CDK11A: variants seen among roughly 807,000 people sequenced by gnomAD.
CDK11A encodes the protein cyclin-dependent kinase 11A.
Under a neutral mutation model 83.6 loss-of-function variants are expected in CDK11A, and 55 were observed. That is an observed-to-expected ratio of 0.66 (90% CI 0.53 to 0.82). The LOEUF (loss-of-function observed/expected upper bound fraction) is 0.82, where lower values mean the gene tolerates loss of function less well. CDK11A is among the 40% of genes least tolerant of loss of function. CDK11A has a pLI of 0.00. For missense variants in CDK11A, 564 were observed against 810.1 expected (o/e 0.70, Z 3.69); for synonymous variants, 247 against 302.7 (o/e 0.82, Z 1.91).
intron 3 of CDK11A, among the ~76,000 whole-genome samples, chr1:1,720,196 GC>G (rs1315910000): frequency 6.7e-6 from 1 of 149,320 alleles, no homozygotes; most frequent in Non-Finnish European, 1.5e-5. Flanking sequence ...CTGGGTTCAT[GC>G]CATTCTCCTG....
chr1:1,716,490 TAA>T lies in CDK11A; in HGVS notation c.356-14_356-13del, dbSNP rs1191486414. On this transcript the variant is annotated splice_polypyrimidine_tract_variant and intron_variant, in intron 4 of 19. Transcript: ENST00000404249. The stretch of plus-strand genomic sequence containing the variant: ...TCTAGCATGCTTCCCTAATGAGAAA[TAA>T]AGTGTCATGCAAAGAAACCTCACTT... 32 of 1,605,460 alleles carry T rather than the reference TAA, an allele frequency of 2.0e-5. 1 individual carries two copies. The highest frequency in any genetic ancestry group is 3.4e-5 in the Admixed American group (2 of 59,552).
At chr1:1,706,670 C>T (rs1420639214) in intron 11 of CDK11A, among the ~76,000 whole-genome samples, 4 of 151,390 alleles carry the variant, frequency 2.6e-5, no homozygotes, top group Admixed American at 2.6e-4. Context: ...TGCCAGGGCA[C>T]CTACCCCTCG....
intron 5 of CDK11A, among the ~76,000 whole-genome samples, chr1:1,715,775 G>A (rs1644613000): frequency 6.6e-6 from 1 of 151,190 alleles, no homozygotes; most frequent in Non-Finnish European, 1.5e-5. Flanking sequence ...CTGGCCTACA[G>A]CCTTTTTCCT....
intron 16 of CDK11A, 44 bp from the exon 17 acceptor site, chr1:1,703,984 A>G (rs760815021): frequency 1.2e-6 from 2 of 1,607,078 alleles, no homozygotes; most frequent in Admixed American, 1.7e-5. Context: ...GTGCCCGCGA[A>G]GCTGTGGGAG....
chr1:1,721,490 A>G, intron 3 of CDK11A, 106 bp downstream of exon 3: 1 of 1,310,186 alleles, frequency 7.6e-7, no homozygotes, highest in East Asian at 2.4e-5. Flanking sequence ...GAAAGAGTAA[A>G]CCTTAATAGT....
Position 1,715,675 on chromosome 1 carries a change from C to T in CDK11A, c.488+671G>A, listed in dbSNP as rs532528007. Among the ~76,000 whole-genome samples the T allele has an allele frequency of 1.9e-4, 29 of 151,122 alleles. 1 individual carries two copies. The East Asian group carries it at 2.7e-3, about 14-fold the overall frequency. ...GGCTGCTGGCAAACATCGCTGCACACGCCCTTCCGCTTCAGACTCCTCTCT... is the reference window on the plus strand; with the variant it reads ...GGCTGCTGGCAAACATCGCTGCACATGCCCTTCCGCTTCAGACTCCTCTCT... On this transcript the variant is annotated intron_variant, in intron 5 of 19. Coordinates refer to ENST00000404249, the MANE Select transcript of CDK11A (RefSeq NM_024011.4).
Position 1,719,332 on chromosome 1 carries a change from T to G in CDK11A, c.351A>C (p.Glu117Asp), listed in dbSNP as rs768284935. 4.6e-6 allele frequency: 7 copies of G among 1,522,704 alleles called. No individual in the cohort carries two copies. Among genetic ancestry groups the G allele is most frequent in the Non-Finnish European group, 6.1e-6 (7 of 1,139,828 alleles). The allele number at this position is 1,522,704 out of a possible 1,614,324, so 94.3% of individuals were successfully genotyped here. The part of the protein sequence containing the change: ...EKCRHHSHSA[E>D]GGKHARVKER... The stretch of plus-strand genomic sequence containing the variant: ...AGAAAGTAAATGCTTCTGTACCCCC[T>G]TCTGCTGAATGGCTATGATGCCTAC... The change falls in exon 4 of 20, where the codon GAA becomes GAC. Residue 117 changes from glutamate to aspartate, a missense_variant. Glu to Asp is a conservative substitution (Grantham distance 45, BLOSUM62 2). Transcript: ENST00000404249.
intron 17 of CDK11A, 83 bp from the exon 18 acceptor site, chr1:1,703,707 C>G: frequency 6.5e-7 from 1 of 1,536,520 alleles, no homozygotes. Flanking sequence ...GACAAGCCAC[C>G]AGGAGGGCTC....
chr1:1,702,976 C>G lies in CDK11A; in HGVS notation c.2274G>C (p.Thr758=), dbSNP rs1445568873. The change falls in exon 20 of 20, where the codon ACG becomes ACC. Residue 758 remains threonine (T), a synonymous_variant. Transcript: ENST00000404249. ...GGTTCGTGGTGGTAAGGTGGAAGCCCGTCTCCTTCAGGTCGTCGTCACCCT... is the reference window on the plus strand; with the variant it reads ...GGTTCGTGGTGGTAAGGTGGAAGCCGGTCTCCTTCAGGTCGTCGTCACCCT... ...SQLGDDDLKE[T]GFHLTTTNQG... is the part of the protein sequence containing the mutation. 5.3e-4 allele frequency: 251 copies of G among 470,366 alleles called. 7 individuals are homozygous for G. The highest frequency in any genetic ancestry group is 8.3e-4 in the Non-Finnish European group (225 of 269,478). 29.1% of individuals were successfully genotyped at this position (470,366 alleles called of 1,614,324 possible).
chr1:1,718,824 G>A (rs1967676), intron 4 of CDK11A, among the ~76,000 whole-genome samples: 1 of 149,900 alleles, frequency 6.7e-6, no homozygotes, highest in Non-Finnish European at 1.5e-5. Flanking sequence ...TTTTAGTAGA[G>A]ACTGGGTTTC....
intron 11 of CDK11A, among the ~76,000 whole-genome samples, chr1:1,706,341 G>C (rs1294753015): frequency 6.6e-6 from 1 of 151,344 alleles, no homozygotes; most frequent in Non-Finnish European, 1.5e-5. Flanking sequence ...CCAAAGTGCT[G>C]GGATTACAGG....
At chr1:1,723,486 CTCAAA>C (rs1250837237) in intron 1 of CDK11A, among the ~76,000 whole-genome samples, 1 of 15,552 alleles carries the variant, frequency 6.4e-5, no homozygotes, top group African/African-American at 1.4e-4. Context: ...AAGACCCCGT[CTCAAA>C]AAAAAAAAAA....
chr1:1,716,814 C>CAAAAAAAAAAAA (rs1168780288), intron 4 of CDK11A, among the ~76,000 whole-genome samples: 2 of 76,678 alleles, frequency 2.6e-5, no homozygotes, highest in African/African-American at 1.2e-4. Context: ...GACTCCATCT[C>CAAAAAAAAAAAA]AAAAAAAAAA....
Position 1,703,543 on chromosome 1 carries a change from G to A in CDK11A, c.1993C>T (p.Pro665Ser), listed in dbSNP as rs1352236001. 1.3e-6 allele frequency: 2 copies of A among 1,565,360 alleles called. No homozygotes were observed. The change falls in exon 18 of 20, where the codon CCC becomes TCC. Residue 665 changes from proline (P) to serine (S), a missense_variant. Transcript: ENST00000404249. ...AAGCGCTTGCGGAGGTTGTTGTAGG[G>A]GTGCTCGCTGAAGGTCATCTTTTTG... The part of the protein sequence containing the change: ...VVKKMTFSEH[P>S]YNNLRKRFGA...
chr1:1,706,471 C>G (rs150959599), intron 11 of CDK11A, among the ~76,000 whole-genome samples: 1 of 151,262 alleles, frequency 6.6e-6, no homozygotes, highest in Non-Finnish European at 1.5e-5. Flanking sequence ...ATTGTTTGAG[C>G]CTGGGAGGTG....
rs961426937 is a variant in CDK11A at position 1,720,346 on chromosome 1, C to A, written c.228-891G>T. On this transcript the variant is annotated intron_variant, in intron 3 of 19. Transcript: ENST00000404249. ...TCTCCTGACCTTGTGATCTGCCCGC[C>A]TCAGCCTCCCAAAGTGCTGGGATTA... Among the ~76,000 whole-genome samples, 13 of 150,704 alleles carry A rather than the reference C, an allele frequency of 8.6e-5. 1 individual carries two copies. The highest frequency in any genetic ancestry group is 3.2e-4 in the African/African-American group (13 of 41,068).
chr1:1,704,575 C>T lies in CDK11A; in HGVS notation c.1539G>A (p.Glu513=). 6.2e-7 allele frequency: 1 copy of T among 1,604,438 alleles called. No individual in the cohort carries two copies. Among genetic ancestry groups the T allele is most frequent in the Non-Finnish European group, 8.5e-7 (1 of 1,174,694 alleles). ...CTGGCAGGAAGGGCTGTTTCATGGTCTCCATCAGGCTCTTGAGGTCGTGCT... is the reference window on the plus strand; with the variant it reads ...CTGGCAGGAAGGGCTGTTTCATGGTTTCCATCAGGCTCTTGAGGTCGTGCT... ...YVEHDLKSLM[E]TMKQPFLPGE... The change falls in exon 14 of 20, where the codon GAG becomes GAA. Residue 513 remains glutamate (E), a synonymous_variant. Coordinates refer to ENST00000404249, the MANE Select transcript of CDK11A (RefSeq NM_024011.4).
chr1:1,704,270 C>G lies in CDK11A; in HGVS notation c.1639G>C (p.Asp547His). Residue 547 changes from aspartate to histidine, a missense_variant, in exon 15 of 20, where the codon GAC becomes CAC. By Grantham distance (81) the Asp-to-His change is moderately conservative. This residue lies in a region of CDK11A where 361 missense variants were observed against 402.7 expected (regional missense o/e 0.90). Transcript: ENST00000404249. ...HLHDNWILHR[D>H]LKTSNLLLSH... ...AGCAGCAGGTTGGACGTCTTGAGGT[C>G]ACGGTGCAGGATCCAGTTGTCGTGC... The G allele has an allele frequency of 1.2e-6, 2 of 1,608,378 alleles. No individual in the cohort carries two copies. Among genetic ancestry groups the G allele is most frequent in the Non-Finnish European group, 1.7e-6 (2 of 1,176,618 alleles).
intron 4 of CDK11A, among the ~76,000 whole-genome samples, chr1:1,718,033 T>C (rs1270666861): frequency 2.2e-5 from 1 of 45,468 alleles, no homozygotes; most frequent in Non-Finnish European, 1.1e-4. Flanking sequence ...ACACGCATGC[T>C]TTTAGCTAGT....
Sources: gnomAD v4.1 joint callset for allele counts (sites outside exome capture counted in the v4.1 genomes callset) on GRCh38, gnomAD v4.1.1 for gene constraint, gnomAD v4.1.1 regional missense constraint, MANE v1.5 for transcripts, NCBI Gene and HGNC (gene_info 2026-07-23, HGNC 2026-07-21) for gene names.